The following SIK2 variants were observed in gnomAD, a reference collection of about 807,000 sequenced individuals.
The protein encoded by SIK2 is serine/threonine-protein kinase SIK2.
In SIK2, 29 loss-of-function variants were observed where a neutral mutation model predicts 103.2. The ratio of observed to expected loss-of-function variants is 0.28; its 90% CI spans 0.21 to 0.38. SIK2 has a LOEUF of 0.38. Among genes scored for constraint, SIK2 ranks in the 10% least tolerant of loss-of-function variants. The pLI is 1.00. For missense variants in SIK2, 879 were observed against 1,171.0 expected, an observed-to-expected ratio of 0.75 and a Z score of 3.64; for synonymous variants, 412 against 446.1, an observed-to-expected ratio of 0.92 and a Z score of 0.96.
chr11:111,727,234 G>C lies in SIK2; in HGVS notation c.*3105G>C. 1.6e-6 allele frequency: 1 copy of C among 624,462 alleles called. No individual in the cohort carries two copies. The highest frequency in any genetic ancestry group is 2.7e-5 in the East Asian group (1 of 36,502). 38.7% of individuals were successfully genotyped at this position (624,462 alleles called of 1,614,324 possible). On this transcript the variant is annotated 3_prime_UTR_variant, in exon 15 of 15. Transcript: ENST00000304987. The stretch of plus-strand genomic sequence containing the variant: ...CATCCACCTTGAGAATCCCTGCGTG[G>C]GAGAGCATCAGGGCCCACCAGGGGA...
chr11:111,645,763 C>T (rs1413957297), intron 3 of SIK2, among the ~76,000 whole-genome samples: 3 of 150,338 alleles, frequency 2.0e-5, no homozygotes, highest in African/African-American at 4.9e-5. Context: ...TGCAATGAGC[C>T]GAGATGATGC....
rs1229897336 is a variant in SIK2, at chr11:111,723,919, T to C, written c.2571T>C (p.Pro857=). ...GTGAGCTGCCAAGCGCTGCTTCCCCTGCGCCAGACTATCCCACTCCCTGTC... is the reference window on the plus strand; with the variant it reads ...GTGAGCTGCCAAGCGCTGCTTCCCCCGCGCCAGACTATCCCACTCCCTGTC... ...QTCELPSAAS[P]APDYPTPCQY... The change falls in exon 15 of 15, where the codon CCT becomes CCC. Residue 857 remains proline, a synonymous_variant. Transcript: ENST00000304987. 1 of 1,610,278 alleles carries C rather than the reference T, an allele frequency of 6.2e-7. No homozygotes were observed. Among genetic ancestry groups the C allele is most frequent in the Non-Finnish European group, 8.5e-7 (1 of 1,178,132 alleles).
chr11:111,652,016 CTT>C (rs900737750), intron 3 of SIK2, among the ~76,000 whole-genome samples: 3 of 152,176 alleles, frequency 2.0e-5, no homozygotes, highest in East Asian at 1.9e-4. Flanking sequence ...TCTCACATAA[CTT>C]TATATGATTG....
intron 9 of SIK2, among the ~76,000 whole-genome samples, chr11:111,717,977 C>T (rs1282306013): frequency 6.6e-6 from 1 of 152,052 alleles, no homozygotes. Flanking sequence ...GGCTTAATAC[C>T]TAGGTGATAG....
chr11:111,642,240 G>A lies in SIK2; in HGVS notation c.316+21838G>A, dbSNP rs139382144. Among the ~76,000 whole-genome samples, 1,002 of 152,268 alleles carry A rather than the reference G, an allele frequency of 6.6e-3. 8 individuals carry two copies. Among genetic ancestry groups the A allele is most frequent in the Middle Eastern group, 0.054 (16 of 294 alleles). On this transcript the variant is annotated intron_variant, in intron 3 of 14. Transcript: ENST00000304987. Reference sequence around the variant, plus strand: ...TAACTACGCAGAGCTAGCCTCAGATGTGATAGGTTTAAGGGCTCATTCCCA... The same window carrying A: ...TAACTACGCAGAGCTAGCCTCAGATATGATAGGTTTAAGGGCTCATTCCCA...
chr11:111,668,812 G>A (rs1448243022), intron 3 of SIK2, among the ~76,000 whole-genome samples: 4 of 152,196 alleles, frequency 2.6e-5, no homozygotes, highest in African/African-American at 7.2e-5. Flanking sequence ...AGGGATAATC[G>A]TGACTTGCAC....
intron 7 of SIK2, among the ~76,000 whole-genome samples, chr11:111,704,565 C>G (rs988999437): frequency 6.6e-5 from 10 of 152,186 alleles, no homozygotes; most frequent in African/African-American, 2.2e-4. Flanking sequence ...CCATTCACTT[C>G]AGAGTTTTCA....
At chr11:111,642,659 T>C in intron 3 of SIK2, among the ~76,000 whole-genome samples, 1 of 152,070 alleles carries the variant, frequency 6.6e-6, no homozygotes, top group Non-Finnish European at 1.5e-5. Context: ...GATGATTAAC[T>C]CAATCTCCAA....
At chr11:111,667,340 G>A (rs1027003548) in intron 3 of SIK2, among the ~76,000 whole-genome samples, 1 of 152,044 alleles carries the variant, frequency 6.6e-6, no homozygotes, top group African/African-American at 2.4e-5. Context: ...GATCCTAAAA[G>A]GTGTGTGATG....
intron 3 of SIK2, among the ~76,000 whole-genome samples, chr11:111,653,133 G>A (rs879562164): frequency 6.6e-6 from 1 of 152,126 alleles, no homozygotes; most frequent in East Asian, 1.9e-4. Context: ...TGAGGGTCAA[G>A]TTAGGCCAAC....
intron 3 of SIK2, among the ~76,000 whole-genome samples, chr11:111,626,739 G>T (rs1941966487): frequency 6.7e-6 from 1 of 150,304 alleles, no homozygotes; most frequent in Admixed American, 6.6e-5. Flanking sequence ...TTGAAAACAA[G>T]GTAATGGCCT....
chr11:111,677,193 AGTTTTT>A (rs1256557425), intron 3 of SIK2, among the ~76,000 whole-genome samples: 1 of 152,184 alleles, frequency 6.6e-6, no homozygotes, highest in Non-Finnish European at 1.5e-5. Context: ...CAGGCTATTC[AGTTTTT>A]GTTTTTGTTT....
At chr11:111,626,227 A>T (rs535476568) in intron 3 of SIK2, among the ~76,000 whole-genome samples, 2 of 152,204 alleles carry the variant, frequency 1.3e-5, no homozygotes, top group African/African-American at 2.4e-5. Context: ...GAATTAATTT[A>T]AAAAGATCAT....
At chr11:111,678,806 G>A (rs969259880) in intron 3 of SIK2, among the ~76,000 whole-genome samples, 5 of 152,190 alleles carry the variant, frequency 3.3e-5, no homozygotes, top group Admixed American at 2.6e-4. Flanking sequence ...GTGGGCAGAA[G>A]CCAGTAGGAT....
intron 3 of SIK2, among the ~76,000 whole-genome samples, chr11:111,662,808 A>G (rs950311982): frequency 6.6e-6 from 1 of 151,964 alleles, no homozygotes; most frequent in Non-Finnish European, 1.5e-5. Context: ...AGCCCAGGAG[A>G]TCAAGGCTGC....
At chr11:111,638,325 G>T (rs1211024268) in intron 3 of SIK2, among the ~76,000 whole-genome samples, 2 of 152,072 alleles carry the variant, frequency 1.3e-5, no homozygotes, top group Non-Finnish European at 2.9e-5. Flanking sequence ...TTTCTACTGG[G>T]GTAGAAATCA....
At chr11:111,717,939 C>T (rs919897008) in intron 9 of SIK2, among the ~76,000 whole-genome samples, 3 of 152,036 alleles carry the variant, frequency 2.0e-5, no homozygotes, top group African/African-American at 7.2e-5. Context: ...GGAGGGAGAG[C>T]ATCAGGAAGA....
intron 3 of SIK2, among the ~76,000 whole-genome samples, chr11:111,666,043 G>T (rs773068521): frequency 3.3e-5 from 5 of 152,184 alleles, no homozygotes; most frequent in Non-Finnish European, 7.3e-5. Flanking sequence ...AAATGGACAG[G>T]ATGAAGCTAG....
At chr11:111,614,999 C>A (rs765891525) in intron 1 of SIK2, among the ~76,000 whole-genome samples, 1 of 151,928 alleles carries the variant, frequency 6.6e-6, no homozygotes, top group South Asian at 2.1e-4. Flanking sequence ...ATTAGCCAGA[C>A]GTGGTGGCAC....
Sources: gnomAD v4.1 joint callset for allele counts (sites outside exome capture counted in the v4.1 genomes callset) on GRCh38, gnomAD v4.1.1 for gene constraint, MANE v1.5 for transcripts, NCBI Gene and HGNC (gene_info 2026-07-23, HGNC 2026-07-21) for gene names.